AP1B1: variants seen among roughly 807,000 people sequenced by gnomAD.
The protein encoded by AP1B1 is AP-1 complex subunit beta-1.
In AP1B1, 36 loss-of-function variants were observed where a neutral mutation model predicts 104.3. That is an observed-to-expected ratio of 0.35 (90% CI 0.26 to 0.46). The LOEUF (loss-of-function observed/expected upper bound fraction) is 0.46, where lower values mean the gene tolerates loss of function less well. Among genes scored for constraint, AP1B1 ranks in the 20% least tolerant of loss-of-function variants. AP1B1 has a pLI of 1.00. For missense variants in AP1B1, 901 were observed against 1,247.9 expected (o/e 0.72, Z 4.19); for synonymous variants, 504 against 517.5 (o/e 0.97, Z 0.35).
At chr22:29,350,237 C>T (rs1431021378) in intron 9 of AP1B1, 87 bp from the exon 10 acceptor site, 2 of 977,982 alleles carry the variant, frequency 2.0e-6, no homozygotes, top group Non-Finnish European at 1.6e-6. Context: ...CCAAGGGCTG[C>T]AAATCACTTC....
At chr22:29,330,802 G>T in intron 19 of AP1B1, 93 bp from the exon 20 acceptor site, 1 of 1,086,980 alleles carries the variant, frequency 9.2e-7, no homozygotes, top group Non-Finnish European at 1.3e-6. Flanking sequence ...GGCCTTTACT[G>T]TGCCACGTGA....
At chr22:29,386,633 G>A (rs184147456) in intron 1 of AP1B1, among the ~76,000 whole-genome samples, 2 of 152,104 alleles carry the variant, frequency 1.3e-5, no homozygotes, top group Admixed American at 1.3e-4. Context: ...AATGGAACTA[G>A]GAGAATAGAT....
intron 6 of AP1B1, among the ~76,000 whole-genome samples, chr22:29,355,957 G>T (rs192824884): frequency 6.6e-6 from 1 of 152,096 alleles, no homozygotes; most frequent in African/African-American, 2.4e-5. Flanking sequence ...TATCTTGTTG[G>T]TTAAGACCAT....
At chr22:29,366,878 ACAC>A (rs1455943223) in intron 2 of AP1B1, among the ~76,000 whole-genome samples, 4 of 147,038 alleles carry the variant, frequency 2.7e-5, no homozygotes, top group Admixed American at 1.3e-4. Flanking sequence ...ACACACACAC[ACAC>A]AACTGCTGTG....
chr22:29,359,064 G>A lies in AP1B1; in HGVS notation c.280-93C>T, dbSNP rs1022065733. ...GGCCTGCAGCTCTGAGCCCTGCTAGGCTGAGCGACATCAGATGGCTGCTGT... is the reference window on the plus strand; with the variant it reads ...GGCCTGCAGCTCTGAGCCCTGCTAGACTGAGCGACATCAGATGGCTGCTGT... On this transcript the variant is annotated intron_variant, in intron 4 of 22. Transcript: ENST00000357586. The A allele has an allele frequency of 9.3e-6, 12 of 1,285,780 alleles. No homozygotes were observed. In the South Asian group the frequency reaches 1.7e-4, roughly 18 times the overall value. The allele number at this position is 1,285,780 out of a possible 1,614,324, so 79.6% of individuals were successfully genotyped here. A position where few individuals can be genotyped will look rare whatever the true frequency, so the allele number is the denominator to read the frequency against.
Position 29,358,712 on chromosome 22 carries a change from T to C in AP1B1, c.525+14A>G. 6.2e-7 allele frequency: 1 copy of C among 1,604,884 alleles called. No individual in the cohort carries two copies. The highest frequency in any genetic ancestry group is 8.5e-7 in the Non-Finnish European group (1 of 1,172,924). The stretch of plus-strand genomic sequence containing the variant: ...GAGGTGGTGGAGGTAGCACGGTGGG[T>C]GGCAGTGGCTTACCATGGGGTTAGA... On this transcript the variant is annotated intron_variant, in intron 5 of 22. Transcript: ENST00000357586.
intron 12 of AP1B1, 47 bp downstream of exon 12, chr22:29,342,238 T>G: frequency 6.7e-7 from 1 of 1,502,800 alleles, no homozygotes. Context: ...GTTCCCCTGC[T>G]TGAGTGAGGG....
intron 11 of AP1B1, among the ~76,000 whole-genome samples, chr22:29,345,311 G>A (rs1006939901): frequency 6.6e-6 from 1 of 150,534 alleles, no homozygotes; most frequent in Non-Finnish European, 1.5e-5. Context: ...TCCTGCCTCG[G>A]CCTCCCAAAG....
chr22:29,351,384 C>G, intron 8 of AP1B1, 118 bp from the exon 9 acceptor site: 2 of 1,200,574 alleles, frequency 1.7e-6, no homozygotes, highest in Non-Finnish European at 2.5e-6. Context: ...CCTCCTGCTC[C>G]AGGTAGAAGG....
chr22:29,387,729 A>C (rs1184290049), intron 1 of AP1B1, among the ~76,000 whole-genome samples: 1 of 152,178 alleles, frequency 6.6e-6, no homozygotes, highest in Non-Finnish European at 1.5e-5. Flanking sequence ...GAATGACCTT[A>C]CATGTGGGAT....
At chr22:29,381,991 C>T (rs2062443334) in intron 1 of AP1B1, among the ~76,000 whole-genome samples, 1 of 151,590 alleles carries the variant, frequency 6.6e-6, no homozygotes, top group South Asian at 2.1e-4. Flanking sequence ...TTCCCTTCAG[C>T]GTGATACCTC....
At chr22:29,362,431 G>C (rs11914154) in intron 3 of AP1B1, among the ~76,000 whole-genome samples, 7,840 of 151,342 alleles carry the variant, frequency 0.052, 298 homozygotes, top group African/African-American at 0.11. Context: ...AATGCACCCT[G>C]TGTCTCCCAG....
chr22:29,376,050 G>T (rs970491748), intron 1 of AP1B1, among the ~76,000 whole-genome samples: 2 of 152,192 alleles, frequency 1.3e-5, no homozygotes, highest in African/African-American at 4.8e-5. Context: ...CTTCCCAGGT[G>T]TCAAACACGA....
chr22:29,349,634 C>T (rs2061843490), intron 10 of AP1B1, among the ~76,000 whole-genome samples: 1 of 152,156 alleles, frequency 6.6e-6, no homozygotes, highest in Non-Finnish European at 1.5e-5. Flanking sequence ...CTGCCTCAGC[C>T]TCCCAAGTAG....
intron 3 of AP1B1, 76 bp from the exon 4 acceptor site, chr22:29,360,035 G>A (rs748726262): frequency 3.2e-5 from 48 of 1,515,290 alleles, no homozygotes; most frequent in Non-Finnish European, 4.3e-5. Flanking sequence ...GCTAACTAGT[G>A]GGTGAGAGGA....
intron 1 of AP1B1, among the ~76,000 whole-genome samples, chr22:29,377,669 G>A (rs550396083): frequency 6.6e-6 from 1 of 152,064 alleles, no homozygotes; most frequent in East Asian, 1.9e-4. Flanking sequence ...AATTAGCCAG[G>A]CATGGTGGCG....
Position 29,339,055 on chromosome 22 carries a change from T to C in AP1B1, c.2098A>G (p.Ser700Gly). 1 of 1,614,192 alleles carries C rather than the reference T, an allele frequency of 6.2e-7. No homozygotes were observed. The stretch of plus-strand genomic sequence containing the variant: ...CCACTGGTCAGGTCAAAGAGGTCAC[T>C]CAGGCCACTGCCGATGGGTGCTCCA... ...NLGAPIGSGLSDLFDLTSGVG... is the reference protein window; with the variant it reads ...NLGAPIGSGLGDLFDLTSGVG... Residue 700 changes from serine to glycine, a missense_variant, in exon 16 of 23, where the codon AGT becomes GGT. Around this residue, in one of 3 missense-constraint regions of AP1B1, gnomAD observed 424 missense variants for 494.0 expected, o/e 0.86. Transcript: ENST00000357586.
At chr22:29,385,913 T>C (rs1005165189) in intron 1 of AP1B1, among the ~76,000 whole-genome samples, 3 of 152,132 alleles carry the variant, frequency 2.0e-5, no homozygotes, top group Non-Finnish European at 4.4e-5. Flanking sequence ...TAGAAAAAGA[T>C]GCAAGCCCAA....
intron 1 of AP1B1, among the ~76,000 whole-genome samples, chr22:29,388,211 A>G (rs776307137): frequency 2.6e-5 from 4 of 152,174 alleles, no homozygotes; most frequent in Non-Finnish European, 5.9e-5. Context: ...TGCTGCGGGT[A>G]TGGGGCGGCC....
Sources: allele counts gnomAD v4.1 joint callset (sites outside exome capture counted in the v4.1 genomes callset), GRCh38; gene constraint gnomAD v4.1.1; regional missense constraint gnomAD v4.1.1; transcripts MANE v1.5; gene names NCBI Gene and HGNC (gene_info 2026-07-23, HGNC 2026-07-21).